CHN1: variants seen among roughly 807,000 people sequenced by gnomAD.
CHN1 encodes N-chimaerin.
In CHN1, 37 loss-of-function variants were observed where a neutral mutation model predicts 59.5. That is an observed-to-expected ratio of 0.62 (90% CI 0.48 to 0.82). CHN1 has a LOEUF of 0.82. Ranked by LOEUF, CHN1 falls within the 40% of genes least tolerant of loss-of-function variation. The pLI, the probability that CHN1 is intolerant of heterozygous loss-of-function variation, is 0.00. For missense variants in CHN1, 469 were observed against 571.0 expected, an observed-to-expected ratio of 0.82 and a Z score of 1.82; for synonymous variants, 206 against 200.4, an observed-to-expected ratio of 1.03 and a Z score of -0.24.
intron 11 of CHN1, among the ~76,000 whole-genome samples, chr2:174,807,043 G>A (rs1319296082): frequency 6.6e-6 from 1 of 152,184 alleles, no homozygotes; most frequent in Non-Finnish European, 1.5e-5. Context: ...AGAGTTCTCT[G>A]AGGGGTGAGA....
chr2:174,838,506 G>C (rs1177387180), intron 7 of CHN1, among the ~76,000 whole-genome samples: 5 of 152,132 alleles, frequency 3.3e-5, no homozygotes, highest in Non-Finnish European at 7.4e-5. Context: ...GAAACACAGA[G>C]ACATGAAATA....
chr2:174,919,126 C>A (rs895924860), intron 3 of CHN1, among the ~76,000 whole-genome samples: 11 of 152,202 alleles, frequency 7.2e-5, no homozygotes, highest in African/African-American at 2.7e-4. Context: ...AATACACTCA[C>A]TGAACAGCAA....
intron 1 of CHN1, among the ~76,000 whole-genome samples, chr2:174,991,683 A>G (rs1421170367): frequency 6.6e-6 from 1 of 152,248 alleles, no homozygotes; most frequent in East Asian, 1.9e-4. Context: ...TAACAAAAAC[A>G]ATATATAAGA....
chr2:174,948,215 C>T (rs553955880), intron 2 of CHN1, among the ~76,000 whole-genome samples: 1 of 146,780 alleles, frequency 6.8e-6, no homozygotes, highest in South Asian at 2.1e-4. Context: ...AATTAAGAAA[C>T]TTAAGGACAA....
intron 1 of CHN1, among the ~76,000 whole-genome samples, chr2:174,978,633 C>A (rs1203027193): frequency 2.0e-5 from 3 of 152,204 alleles, no homozygotes; most frequent in African/African-American, 7.2e-5. Context: ...GCTCCAAATG[C>A]ATCTCTAATC....
chr2:174,823,079 G>T (rs1349179467), intron 8 of CHN1, among the ~76,000 whole-genome samples: 1 of 152,138 alleles, frequency 6.6e-6, no homozygotes, highest in Admixed American at 6.5e-5. Context: ...ATGCAATTTA[G>T]AAATAAGAAT....
At chr2:174,894,253 T>C (rs959344249) in intron 5 of CHN1, among the ~76,000 whole-genome samples, 4 of 151,988 alleles carry the variant, frequency 2.6e-5, no homozygotes, top group African/African-American at 9.7e-5. Flanking sequence ...ATAAAATATA[T>C]AAAGAACCCC....
intron 8 of CHN1, among the ~76,000 whole-genome samples, chr2:174,813,295 G>C (rs1046229701): frequency 6.6e-6 from 1 of 152,194 alleles, no homozygotes; most frequent in African/African-American, 2.4e-5. Flanking sequence ...TAATTACAAA[G>C]GATATAGCTG....
chr2:174,986,455 G>A (rs1283073890), intron 1 of CHN1, among the ~76,000 whole-genome samples: 2 of 152,110 alleles, frequency 1.3e-5, no homozygotes, highest in Non-Finnish European at 2.9e-5. Flanking sequence ...AGTATGTAAA[G>A]ACGAAAACAA....
At chr2:174,811,114 A>T (rs1055340698) in intron 10 of CHN1, 1 of 154,386 alleles carries the variant, frequency 6.5e-6, no homozygotes, top group African/African-American at 2.4e-5. Context: ...GAAGATGGTG[A>T]TGAGGATGCC....
intron 5 of CHN1, among the ~76,000 whole-genome samples, chr2:174,910,157 G>T (rs939597438): frequency 6.6e-6 from 1 of 152,038 alleles, no homozygotes; most frequent in African/African-American, 2.4e-5. Context: ...TCCTGTTTAA[G>T]TTGTTAACAT....
chr2:174,820,462 C>T (rs1425380177), intron 8 of CHN1, among the ~76,000 whole-genome samples: 1 of 152,154 alleles, frequency 6.6e-6, no homozygotes, highest in East Asian at 1.9e-4. Flanking sequence ...AGGTTACCTA[C>T]TTGGGTCATA....
intron 6 of CHN1, among the ~76,000 whole-genome samples, chr2:174,848,947 T>C (rs976029831): frequency 6.6e-6 from 1 of 152,160 alleles, no homozygotes; most frequent in African/African-American, 2.4e-5. Flanking sequence ...TTTTGTCACA[T>C]GATGACTAAA....
intron 5 of CHN1, among the ~76,000 whole-genome samples, chr2:174,912,806 T>C (rs1341335191): frequency 5.3e-5 from 8 of 152,220 alleles, no homozygotes; most frequent in Admixed American, 4.6e-4. Context: ...ATGTATATTG[T>C]GAGTAAAATT....
intron 1 of CHN1, among the ~76,000 whole-genome samples, chr2:174,961,194 GAGGGA>G (rs1690392787): frequency 7.9e-6 from 1 of 126,280 alleles, no homozygotes; most frequent in Admixed American, 8.1e-5. Flanking sequence ...AGAGGGAAGG[GAGGGA>G]AGGGAGGGAG....
chr2:174,845,334 C>G (rs1364711459), intron 7 of CHN1, among the ~76,000 whole-genome samples: 1 of 152,010 alleles, frequency 6.6e-6, no homozygotes, highest in East Asian at 1.9e-4. Flanking sequence ...TATTAGTAAC[C>G]CAAAGACTTC....
intron 1 of CHN1, among the ~76,000 whole-genome samples, chr2:174,961,447 CG>C (rs1558999576): frequency 1.3e-5 from 2 of 151,372 alleles, no homozygotes; most frequent in East Asian, 3.9e-4. Context: ...CAAAATTAGC[CG>C]GGCATGGTTG....
At chr2:174,947,123 G>A (rs1689862951) in intron 2 of CHN1, among the ~76,000 whole-genome samples, 1 of 152,034 alleles carries the variant, frequency 6.6e-6, no homozygotes. Flanking sequence ...AATACAGAAA[G>A]TAAAATGTCG....
In CHN1 at chr2:174,814,431, C is replaced by T. The variant is rs146773900; in HGVS notation, c.713-1949G>A. 5.3e-3 allele frequency among the ~76,000 whole-genome samples: 812 copies of T among 152,300 alleles called. 3 individuals carry two copies. The highest frequency in any genetic ancestry group is 0.019 in the African/African-American group (772 of 41,562). On this transcript the variant is annotated intron_variant, in intron 8 of 12. Transcript: ENST00000409900. Reference sequence around the variant, plus strand: ...TCTGACTCAATCATAAGGCAACCAACTGTCCACTTAAAAGATCTCCTGTCT... The same window carrying T: ...TCTGACTCAATCATAAGGCAACCAATTGTCCACTTAAAAGATCTCCTGTCT...
Sources: allele counts gnomAD v4.1 joint callset (sites outside exome capture counted in the v4.1 genomes callset), GRCh38; gene constraint gnomAD v4.1.1; transcripts MANE v1.5; gene names NCBI Gene and HGNC (gene_info 2026-07-23, HGNC 2026-07-21).